The following XKR9 variants were observed in gnomAD, a reference collection of about 807,000 sequenced individuals.
The protein encoded by XKR9 is XK-related protein 9.
In XKR9, 32 loss-of-function variants were observed where a neutral mutation model predicts 32.0. The ratio of observed to expected loss-of-function variants is 1.00; its 90% confidence interval spans 0.76 to 1.34. The LOEUF (loss-of-function observed/expected upper bound fraction) is 1.34, where lower values mean the gene tolerates loss of function less well. Among genes scored for constraint, XKR9 ranks in the 40% most tolerant of loss-of-function variants. The pLI, the probability that XKR9 is intolerant of heterozygous loss-of-function variation, is 0.00. For missense variants in XKR9, 546 were observed against 429.7 expected (o/e 1.27, Z -2.39); for synonymous variants, 168 against 143.4 (o/e 1.17, Z -1.22).
At chr8:70,843,666 A>C in the XKR9 span, among the ~76,000 whole-genome samples, 1 of 152,108 alleles carries the variant, frequency 6.6e-6, no homozygotes, top group Non-Finnish European at 1.5e-5. Context: ...GGAAAGAGTA[A>C]GTGAAAGACC....
chr8:70,999,698 TTA>T, the XKR9 span, among the ~76,000 whole-genome samples: 1 of 152,208 alleles, frequency 6.6e-6, no homozygotes, highest in African/African-American at 2.4e-5. Context: ...AGTAGCTGTT[TTA>T]TGTCATTTAC....
intron 2 of XKR9, among the ~76,000 whole-genome samples, chr8:70,773,343 A>G (rs1361083236): frequency 2.0e-5 from 3 of 152,196 alleles, no homozygotes; most frequent in South Asian, 2.1e-4. Flanking sequence ...GGTTCTGTCA[A>G]TGATGGATTC....
At chr8:70,813,953 A>T in the XKR9 span, among the ~76,000 whole-genome samples, 1 of 152,204 alleles carries the variant, frequency 6.6e-6, no homozygotes, top group Non-Finnish European at 1.5e-5. Flanking sequence ...GTATATACCC[A>T]AAGGATTATA....
the XKR9 span, among the ~76,000 whole-genome samples, chr8:70,828,709 A>G: frequency 6.7e-6 from 1 of 149,106 alleles, no homozygotes; most frequent in African/African-American, 2.5e-5. Flanking sequence ...TGACAGAGGA[A>G]GACTATGTCT....
the XKR9 span, among the ~76,000 whole-genome samples, chr8:70,846,290 A>G: frequency 6.6e-6 from 1 of 152,118 alleles, no homozygotes; most frequent in African/African-American, 2.4e-5. Context: ...CTGAATCTAC[A>G]AGAAATGCTT....
At chr8:70,981,028 C>A in the XKR9 span, among the ~76,000 whole-genome samples, 1 of 152,056 alleles carries the variant, frequency 6.6e-6, no homozygotes, top group African/African-American at 2.4e-5. Context: ...GATAGGTTTT[C>A]CTTTATAGGT....
chr8:70,802,538 T>C, the XKR9 span, among the ~76,000 whole-genome samples: 2 of 152,330 alleles, frequency 1.3e-5, no homozygotes, highest in East Asian at 3.9e-4. Flanking sequence ...AGCTGGTTAT[T>C]ATGCAGCCTT....
the XKR9 span, among the ~76,000 whole-genome samples, chr8:70,998,439 G>A: frequency 9.9e-5 from 15 of 152,216 alleles, no homozygotes; most frequent in African/African-American, 2.6e-4. Flanking sequence ...ATGGTTTGCC[G>A]CTCTCTCCCA....
intron 3 of XKR9, among the ~76,000 whole-genome samples, chr8:70,698,692 C>T (rs1404943911): frequency 6.6e-6 from 1 of 152,070 alleles, no homozygotes; most frequent in Non-Finnish European, 1.5e-5. Flanking sequence ...CTGTAGATGT[C>T]TATTAGGTCC....
At chr8:70,686,401 C>G (rs904888050) in intron 3 of XKR9, among the ~76,000 whole-genome samples, 1 of 132,516 alleles carries the variant, frequency 7.5e-6, no homozygotes, top group Non-Finnish European at 1.6e-5. Flanking sequence ...TGCCACCACA[C>G]CGAGATAGCT....
At chr8:70,837,084 C>T in the XKR9 span, among the ~76,000 whole-genome samples, 12 of 152,098 alleles carry the variant, frequency 7.9e-5, no homozygotes, top group South Asian at 1.5e-3. Flanking sequence ...CTATGACGAG[C>T]GGGTTACATA....
At chr8:70,870,375 G>C in the XKR9 span, among the ~76,000 whole-genome samples, 483 of 152,318 alleles carry the variant, frequency 3.2e-3, 1 homozygote, top group African/African-American at 0.011. Flanking sequence ...CTACATTCCA[G>C]AGTCTGGTCA....
chr8:70,755,123 G>A (rs1807201166), intron 2 of XKR9, among the ~76,000 whole-genome samples: 2 of 152,196 alleles, frequency 1.3e-5, no homozygotes, highest in Admixed American at 1.3e-4. Context: ...CTTCTCAAAA[G>A]AAGACATTTA....
the XKR9 span, among the ~76,000 whole-genome samples, chr8:70,855,431 A>G: frequency 3.9e-5 from 6 of 152,292 alleles, no homozygotes; most frequent in South Asian, 1.2e-3. Context: ...TTAGAGAAAA[A>G]GAATAAAAAG....
At chr8:70,891,180 C>CT in the XKR9 span, among the ~76,000 whole-genome samples, 31 of 149,904 alleles carry the variant, frequency 2.1e-4, 1 homozygote, top group South Asian at 6.3e-4. Flanking sequence ...GGCCTTTTGT[C>CT]TTTTTTTTTG....
At chr8:70,984,581 A>G in the XKR9 span, among the ~76,000 whole-genome samples, 1 of 152,326 alleles carries the variant, frequency 6.6e-6, no homozygotes, top group East Asian at 1.9e-4. Context: ...AAGATGCCCA[A>G]AGGCCTAGCT....
At chr8:70,803,274 G>T in the XKR9 span, among the ~76,000 whole-genome samples, 68 of 152,270 alleles carry the variant, frequency 4.5e-4, no homozygotes, top group Non-Finnish European at 8.2e-4. Context: ...TTCATGAAGA[G>T]AATTTTTTTA....
At chr8:70,748,734 G>T (rs1017194764) in intron 2 of XKR9, among the ~76,000 whole-genome samples, 4 of 152,202 alleles carry the variant, frequency 2.6e-5, no homozygotes, top group African/African-American at 7.2e-5. Context: ...TGGAGGCCAG[G>T]CTGTCAGTTC....
chr8:70,944,040 A>G, the XKR9 span, among the ~76,000 whole-genome samples: 2 of 152,176 alleles, frequency 1.3e-5, no homozygotes, highest in African/African-American at 4.8e-5. Context: ...ATGGTTTACA[A>G]TACTGAAATG....
Sources: gnomAD v4.1 joint callset for allele counts (sites outside exome capture counted in the v4.1 genomes callset) on GRCh38, gnomAD v4.1.1 for gene constraint, MANE v1.5 for transcripts, NCBI Gene and HGNC (gene_info 2026-07-23, HGNC 2026-07-21) for gene names.